The following LHFPL3 variants were observed in gnomAD, a reference collection of about 807,000 sequenced individuals.
The protein encoded by LHFPL3 is LHFPL tetraspan subfamily member 3.
In LHFPL3, 5 loss-of-function variants were observed where a neutral mutation model predicts 19.3. The observed-to-expected ratio is 0.26, with a 90% CI of 0.14 to 0.54. The LOEUF (loss-of-function observed/expected upper bound fraction) is 0.54, where lower values mean the gene tolerates loss of function less well. LHFPL3 is among the 20% of genes least tolerant of loss of function. LHFPL3 has a pLI of 0.94. For synonymous variants in LHFPL3, 133 were observed against 126.2 expected (o/e 1.05, Z -0.36); for missense variants, 249 against 307.4 (o/e 0.81, Z 1.42).
chr7:104,364,656 GA>G (rs1479751733), intron 1 of LHFPL3, among the ~76,000 whole-genome samples: 1 of 152,200 alleles, frequency 6.6e-6, no homozygotes, highest in Admixed American at 6.5e-5. Flanking sequence ...ACATCATGGT[GA>G]AAACCTGTTG....
At chr7:104,849,448 C>A (rs1791373146) in intron 2 of LHFPL3, among the ~76,000 whole-genome samples, 1 of 152,214 alleles carries the variant, frequency 6.6e-6, no homozygotes, top group Non-Finnish European at 1.5e-5. Context: ...AGCCTGGCTC[C>A]TGGGGGCTGG....
rs187512023 is a variant in LHFPL3 at position 104,495,514 on chromosome 7, G to T, written c.445+166290G>T. Among the ~76,000 whole-genome samples, 237 of 152,292 alleles carry T rather than the reference G, an allele frequency of 1.6e-3. 1 individual carries two copies. The highest frequency in any genetic ancestry group is 5.5e-3 in the African/African-American group (230 of 41,562). On this transcript the variant is annotated intron_variant, in intron 1 of 2. Coordinates refer to ENST00000424859, the MANE Select transcript of LHFPL3 (RefSeq NM_199000.3). Reference sequence around the variant, plus strand: ...TTCTCCTGCCTCAGCCTCCCAAGTAGCTGGGACTACAGGCACCTGCCACCA... The same window carrying T: ...TTCTCCTGCCTCAGCCTCCCAAGTATCTGGGACTACAGGCACCTGCCACCA...
chr7:104,823,115 C>T (rs1186841359), intron 2 of LHFPL3, among the ~76,000 whole-genome samples: 1 of 152,164 alleles, frequency 6.6e-6, no homozygotes, highest in African/African-American at 2.4e-5. Flanking sequence ...CTATGGAACA[C>T]AGGGAAGGCC....
intron 2 of LHFPL3, among the ~76,000 whole-genome samples, chr7:104,848,899 G>GT (rs1791363133): frequency 2.0e-5 from 3 of 150,936 alleles, no homozygotes; most frequent in African/African-American, 7.3e-5. Context: ...TTGTTTTTTT[G>GT]GTTTTTTTTT....
chr7:104,523,687 T>G (rs1485178970), intron 1 of LHFPL3, among the ~76,000 whole-genome samples: 2 of 152,186 alleles, frequency 1.3e-5, no homozygotes, highest in African/African-American at 4.8e-5. Context: ...CATGTTGAGG[T>G]ACCCTCCGAA....
chr7:104,546,516 C>G (rs1401274549), intron 1 of LHFPL3, among the ~76,000 whole-genome samples: 1 of 152,170 alleles, frequency 6.6e-6, no homozygotes, highest in Non-Finnish European at 1.5e-5. Flanking sequence ...GATAATGAAA[C>G]TAATACTTGG....
At chr7:104,791,597 T>G (rs912751432) in intron 2 of LHFPL3, among the ~76,000 whole-genome samples, 1 of 152,198 alleles carries the variant, frequency 6.6e-6, no homozygotes, top group African/African-American at 2.4e-5. Flanking sequence ...AAAACAATGT[T>G]AACGACTAAA....
chr7:104,481,142 G>C (rs760705496), intron 1 of LHFPL3, among the ~76,000 whole-genome samples: 13 of 152,132 alleles, frequency 8.5e-5, no homozygotes, highest in Non-Finnish European at 1.6e-4. Flanking sequence ...CAACTGAGAA[G>C]CCATCTGTAC....
intron 1 of LHFPL3, among the ~76,000 whole-genome samples, chr7:104,491,298 G>C (rs891029176): frequency 6.6e-6 from 1 of 152,128 alleles, no homozygotes; most frequent in African/African-American, 2.4e-5. Flanking sequence ...TTTTGGGCAA[G>C]CTTTAGGGAA....
intron 1 of LHFPL3, among the ~76,000 whole-genome samples, chr7:104,633,986 T>A (rs551747899): frequency 6.6e-6 from 1 of 152,200 alleles, no homozygotes; most frequent in Non-Finnish European, 1.5e-5. Flanking sequence ...ACCACCTCTA[T>A]CTAGTCACCT....
In LHFPL3 at chr7:104,633,060, G is replaced by C. The variant is rs556635455; in HGVS notation, c.446-103615G>C. 2.6e-5 allele frequency among the ~76,000 whole-genome samples: 4 copies of C among 152,234 alleles called. No individual in the cohort carries two copies. In the South Asian group the frequency reaches 6.2e-4, roughly 24 times the overall value. On this transcript the variant is annotated intron_variant, in intron 1 of 2. Transcript: ENST00000424859. ...TAAGAAAAAAATTTAAGTACAAAGG[G>C]TGATGGTGATGAGAATGATGACAGT...
At chr7:104,545,914 A>G (rs556400160) in intron 1 of LHFPL3, among the ~76,000 whole-genome samples, 1 of 152,224 alleles carries the variant, frequency 6.6e-6, no homozygotes, top group Non-Finnish European at 1.5e-5. Flanking sequence ...CTCTTCTGCA[A>G]GGTATAGAGA....
At chr7:104,538,245 T>A (rs1794423638) in intron 1 of LHFPL3, among the ~76,000 whole-genome samples, 1 of 152,202 alleles carries the variant, frequency 6.6e-6, no homozygotes, top group African/African-American at 2.4e-5. Flanking sequence ...AAAGGGGAAC[T>A]TGTGAGAAAT....
Position 104,816,969 on chromosome 7 carries a change from T to G in LHFPL3, c.682+80058T>G, listed in dbSNP as rs150911441. 3.7e-4 allele frequency among the ~76,000 whole-genome samples: 56 copies of G among 152,344 alleles called. No homozygotes were observed. In the East Asian group the frequency reaches 0.011, roughly 29 times the overall value. On this transcript the variant is annotated intron_variant, in intron 2 of 2. Transcript: ENST00000424859. ...ACTGTGACCACCTTAACTTCTGAAC[T>G]GCTAGCTCTTCCAGTCATTCTGGGG...
At chr7:104,862,936 G>C (rs565356182) in intron 2 of LHFPL3, among the ~76,000 whole-genome samples, 1 of 152,336 alleles carries the variant, frequency 6.6e-6, no homozygotes, top group African/African-American at 2.4e-5. Flanking sequence ...TAACACGACA[G>C]TATGTGTAGA....
intron 1 of LHFPL3, among the ~76,000 whole-genome samples, chr7:104,690,030 AC>A (rs1355935281): frequency 6.6e-6 from 1 of 152,192 alleles, no homozygotes; most frequent in Non-Finnish European, 1.5e-5. Context: ...TAAATCAAAA[AC>A]AATATTGCAT....
intron 1 of LHFPL3, among the ~76,000 whole-genome samples, chr7:104,484,866 G>A (rs2115670990): frequency 6.6e-6 from 1 of 152,102 alleles, no homozygotes; most frequent in African/African-American, 2.4e-5. Flanking sequence ...TGAAATGGTG[G>A]CATTAATCCA....
intron 1 of LHFPL3, among the ~76,000 whole-genome samples, chr7:104,459,491 G>T (rs1208757652): frequency 6.6e-6 from 1 of 152,184 alleles, no homozygotes; most frequent in African/African-American, 2.4e-5. Flanking sequence ...GGCGCAAACT[G>T]CTGCCATGGA....
At chr7:104,341,756 G>C (rs1402038433) in intron 1 of LHFPL3, among the ~76,000 whole-genome samples, 1 of 152,190 alleles carries the variant, frequency 6.6e-6, no homozygotes, top group Non-Finnish European at 1.5e-5. Flanking sequence ...TCTAGAGGGA[G>C]CTCCAGCCCT....
Sources: allele counts gnomAD v4.1 joint callset (sites outside exome capture counted in the v4.1 genomes callset), GRCh38; gene constraint gnomAD v4.1.1; transcripts MANE v1.5; gene names NCBI Gene and HGNC (gene_info 2026-07-23, HGNC 2026-07-21).